CNTLN: variants seen among roughly 807,000 people sequenced by gnomAD.
The protein encoded by CNTLN is centlein.
CNTLN carries 212 observed loss-of-function variants against 180.0 expected under a neutral mutation model. That is an observed-to-expected ratio of 1.18 (90% CI 1.05 to 1.32). The LOEUF is 1.32. Ranked by LOEUF, CNTLN falls within the 40% of genes most tolerant of loss-of-function variation. The probability of loss-of-function intolerance (pLI) is 0.00; values close to 1 mark genes in which losing one functional copy is unlikely to be tolerated. For synonymous variants in CNTLN, 722 were observed against 563.1 expected (o/e 1.28, Z -3.99); for missense variants, 2,095 against 1,610.9 (o/e 1.30, Z -5.14).
intron 8 of CNTLN, among the ~76,000 whole-genome samples, chr9:17,320,880 A>G (rs907695397): frequency 6.6e-6 from 1 of 152,178 alleles, no homozygotes; most frequent in African/African-American, 2.4e-5. Context: ...TTTGTCAAAG[A>G]TTATGAACCT....
At chr9:17,471,123 T>C (rs1832024615) in intron 23 of CNTLN, among the ~76,000 whole-genome samples, 1 of 152,052 alleles carries the variant, frequency 6.6e-6, no homozygotes, top group African/African-American at 2.4e-5. Flanking sequence ...TTTATGTAAA[T>C]TATATCTCAA....
chr9:17,440,339 C>A (rs1055927067), intron 18 of CNTLN, among the ~76,000 whole-genome samples: 2 of 149,350 alleles, frequency 1.3e-5, no homozygotes, highest in Non-Finnish European at 3.0e-5. Flanking sequence ...TTTGGGAGGC[C>A]GAGGCGGGTG....
At chr9:17,383,762 C>T (rs1465116518) in intron 13 of CNTLN, among the ~76,000 whole-genome samples, 2 of 151,714 alleles carry the variant, frequency 1.3e-5, no homozygotes, top group Non-Finnish European at 2.9e-5. Context: ...CTCAGCCTCC[C>T]GAGTAGCTGG....
intron 5 of CNTLN, among the ~76,000 whole-genome samples, chr9:17,250,691 G>A (rs1287917671): frequency 3.3e-5 from 5 of 152,072 alleles, no homozygotes; most frequent in African/African-American, 9.6e-5. Context: ...TACTTAATGT[G>A]TAAAAAGTTT....
At chr9:17,480,813 G>C (rs980321396) in intron 23 of CNTLN, among the ~76,000 whole-genome samples, 8 of 152,256 alleles carry the variant, frequency 5.3e-5, no homozygotes, top group Admixed American at 2.0e-4. Context: ...AAATTAAAAA[G>C]CAGTAAGAAT....
At chr9:17,395,457 T>A (rs1420572819) in intron 15 of CNTLN, among the ~76,000 whole-genome samples, 1 of 152,194 alleles carries the variant, frequency 6.6e-6, no homozygotes, top group Non-Finnish European at 1.5e-5. Flanking sequence ...TTAGTTATCT[T>A]GTGACATACC....
chr9:17,517,929 C>T, the CNTLN span, among the ~76,000 whole-genome samples: 1 of 151,230 alleles, frequency 6.6e-6, no homozygotes, highest in Admixed American at 6.6e-5. Context: ...CTGTGCTTCT[C>T]AACTTTATTT....
the CNTLN span, among the ~76,000 whole-genome samples, chr9:17,519,648 T>C: frequency 6.6e-6 from 1 of 152,188 alleles, no homozygotes; most frequent in African/African-American, 2.4e-5. Context: ...TGGTGCTGGA[T>C]CATGGACTCC....
At chr9:17,488,624 C>T (rs530811936) in intron 25 of CNTLN, among the ~76,000 whole-genome samples, 23 of 151,906 alleles carry the variant, frequency 1.5e-4, no homozygotes, top group South Asian at 2.1e-4. Context: ...TTGGTTAACA[C>T]GTGGAGAGGT....
intron 10 of CNTLN, among the ~76,000 whole-genome samples, chr9:17,336,481 C>G (rs1240372366): frequency 6.6e-6 from 1 of 152,130 alleles, no homozygotes; most frequent in African/African-American, 2.4e-5. Context: ...ATGATTTACA[C>G]TTTGACAGCA....
chr9:17,395,284 A>T (rs1826433125), intron 15 of CNTLN, among the ~76,000 whole-genome samples: 1 of 152,206 alleles, frequency 6.6e-6, no homozygotes, highest in Non-Finnish European at 1.5e-5. Flanking sequence ...AATAGGTGCC[A>T]GGAAACCCAA....
rs150018405 is a variant in CNTLN, at chr9:17,237,088, T to G, written c.849+500T>G. On this transcript the variant is annotated intron_variant, in intron 5 of 25. Coordinates refer to ENST00000380647, the MANE Select transcript of CNTLN (RefSeq NM_017738.4). ...GGCCTTATTTATGGGAAAATTTTAT[T>G]TTTATAGAAGATAAAAGTTACAATC... Among the ~76,000 whole-genome samples the G allele has an allele frequency of 6.3e-3, 960 of 152,184 alleles. 21 individuals carry two copies. The highest frequency in any genetic ancestry group is 0.022 in the African/African-American group (923 of 41,538).
At chr9:17,290,015 A>G (rs958027675) in intron 6 of CNTLN, among the ~76,000 whole-genome samples, 2 of 152,136 alleles carry the variant, frequency 1.3e-5, no homozygotes, top group African/African-American at 4.8e-5. Flanking sequence ...AGCTCGTCAG[A>G]ATCATTCTCC....
At chr9:17,159,871 G>A (rs1191934593) in intron 2 of CNTLN, among the ~76,000 whole-genome samples, 2 of 152,182 alleles carry the variant, frequency 1.3e-5, no homozygotes, top group African/African-American at 4.8e-5. Context: ...CATTTTTAGA[G>A]GCTTTAGGTG....
intron 18 of CNTLN, among the ~76,000 whole-genome samples, chr9:17,423,624 G>A (rs183990121): frequency 6.6e-6 from 1 of 152,236 alleles, no homozygotes; most frequent in East Asian, 1.9e-4. Context: ...ACTTGCCCAA[G>A]GACCGCAGAT....
intron 5 of CNTLN, among the ~76,000 whole-genome samples, chr9:17,255,325 T>C (rs896143089): frequency 3.3e-5 from 5 of 151,790 alleles, no homozygotes; most frequent in Non-Finnish European, 7.4e-5. Flanking sequence ...TATAGGCTTT[T>C]TGTATTTGGC....
the CNTLN span, among the ~76,000 whole-genome samples, chr9:17,520,561 G>T: frequency 1.3e-5 from 2 of 152,286 alleles, no homozygotes; most frequent in African/African-American, 4.8e-5. Context: ...ATGGCTCCCC[G>T]CTTGGAGGTG....
intron 2 of CNTLN, among the ~76,000 whole-genome samples, chr9:17,216,999 A>T (rs1207066885): frequency 1.3e-5 from 2 of 152,222 alleles, no homozygotes; most frequent in Non-Finnish European, 2.9e-5. Context: ...ATGTGGATGG[A>T]TGGTCATGGG....
chr9:17,299,267 A>ATG, intron 7 of CNTLN: 1 of 142,410 alleles, frequency 7.0e-6, no homozygotes, highest in South Asian at 2.2e-4. Flanking sequence ...AAAAAAAAAA[A>ATG]CCTTTACTGA....
Sources: allele counts gnomAD v4.1 joint callset (sites outside exome capture counted in the v4.1 genomes callset), GRCh38; gene constraint gnomAD v4.1.1; transcripts MANE v1.5; gene names NCBI Gene and HGNC (gene_info 2026-07-23, HGNC 2026-07-21).